The following CCDC86 variants were observed in gnomAD, a reference collection of about 807,000 sequenced individuals.
The protein encoded by CCDC86 is coiled-coil domain-containing protein 86.
Under a neutral mutation model 36.7 loss-of-function variants are expected in CCDC86, and 28 were observed. The ratio of observed to expected loss-of-function variants is 0.76; its 90% confidence interval spans 0.57 to 1.05. CCDC86 has a LOEUF of 1.05. CCDC86 is among the 50% of genes least tolerant of loss of function. The pLI is 0.00. For missense variants in CCDC86, 453 were observed against 470.2 expected (o/e 0.96, Z 0.34); for synonymous variants, 199 against 203.4 (o/e 0.98, Z 0.18).
chr11:60,842,237 A>G lies in CCDC86; in HGVS notation c.113A>G (p.Asn38Ser). The change falls in exon 1 of 4, where the codon AAC becomes AGC. Residue 38 changes from asparagine (N) to serine (S), a missense_variant. Coordinates refer to ENST00000227520, the MANE Select transcript of CCDC86 (RefSeq NM_024098.4). ...CGGGCCCTTGTGGAGTTCGAGTCGAACCCAGAAGAAACGAGGGAGCCCGGG... is the reference window on the plus strand; with the variant it reads ...CGGGCCCTTGTGGAGTTCGAGTCGAGCCCAGAAGAAACGAGGGAGCCCGGG... The part of the protein sequence containing the change: ...TRRALVEFES[N>S]PEETREPGSP... 1.2e-6 allele frequency: 2 copies of G among 1,613,310 alleles called. No individual in the cohort carries two copies. Among genetic ancestry groups the G allele is most frequent in the South Asian group, 2.2e-5 (2 of 91,072 alleles).
intron 1 of CCDC86, among the ~76,000 whole-genome samples, chr11:60,845,927 T>C (rs1855178180): frequency 6.6e-6 from 1 of 152,198 alleles, no homozygotes. Context: ...CTCAGTACCT[T>C]AGCCGCCAGC....
At chr11:60,848,804 A>G (rs1015196923) in intron 2 of CCDC86, among the ~76,000 whole-genome samples, 3 of 152,122 alleles carry the variant, frequency 2.0e-5, no homozygotes, top group African/African-American at 7.2e-5. Flanking sequence ...CTGGCCACTG[A>G]GAAAAGGGGT....
Position 60,849,934 on chromosome 11 carries a change from T to A in CCDC86, c.889-6T>A. 6.2e-7 allele frequency: 1 copy of A among 1,613,240 alleles called. No homozygotes were observed. The highest frequency in any genetic ancestry group is 8.5e-7 in the Non-Finnish European group (1 of 1,179,488). ...GACTCAAATCCCCTTCTCCCACATG[T>A]TCCAGGAGAAGAAACAGCGCCGGGC... On this transcript the variant is annotated splice_region_variant and splice_polypyrimidine_tract_variant and intron_variant, in intron 2 of 3. Coordinates refer to ENST00000227520, the MANE Select transcript of CCDC86 (RefSeq NM_024098.4).
chr11:60,848,148 G>A, intron 2 of CCDC86, 95 bp downstream of exon 2: 1 of 1,453,318 alleles, frequency 6.9e-7, no homozygotes, highest in Non-Finnish European at 9.2e-7. Flanking sequence ...GGTGCCTGGG[G>A]GAGGCCGACT....
At chr11:60,844,807 C>A (rs1444994668) in intron 1 of CCDC86, among the ~76,000 whole-genome samples, 1 of 152,166 alleles carries the variant, frequency 6.6e-6, no homozygotes, top group Non-Finnish European at 1.5e-5. Flanking sequence ...GGGTAGGGCA[C>A]TAAGCTGAAC....
chr11:60,846,269 G>GGAGGCCAGGCCTTCAGTGGC (rs1489455200), intron 1 of CCDC86, among the ~76,000 whole-genome samples: 1 of 152,200 alleles, frequency 6.6e-6, no homozygotes, highest in African/African-American at 2.4e-5. Context: ...TTAGTGCTTA[G>GGAGGCCAGGCCTTCAGTGGC]GAGGCCAGGC....
intron 1 of CCDC86, among the ~76,000 whole-genome samples, chr11:60,843,303 C>A (rs1855147346): frequency 6.6e-6 from 1 of 152,322 alleles, no homozygotes; most frequent in Admixed American, 6.5e-5. Flanking sequence ...TTACTGAGCA[C>A]TGATTATATA....
At chr11:60,849,890 A>G (rs1414537679) in intron 2 of CCDC86, 50 bp from the exon 3 acceptor site, 12 of 1,506,654 alleles carry the variant, frequency 8.0e-6, no homozygotes, top group Non-Finnish European at 1.1e-5. Context: ...CTGAGAGACC[A>G]GGGCTGCCTC....
rs571902499 is a variant in CCDC86, at chr11:60,849,378, A to C, written c.889-562A>C. 1.8e-4 allele frequency among the ~76,000 whole-genome samples: 28 copies of C among 152,330 alleles called. 1 individual carries two copies. The South Asian group carries it at 5.6e-3, about 30-fold the overall frequency. On this transcript the variant is annotated intron_variant, in intron 2 of 3. Coordinates refer to ENST00000227520, the MANE Select transcript of CCDC86 (RefSeq NM_024098.4). The stretch of plus-strand genomic sequence containing the variant: ...AGAAGCTGAGGCACAGACTTAGCTA[A>C]GGTCTCCTGTTTAGGAAATAACAGG...
At chr11:60,844,377 C>T (rs990768412) in intron 1 of CCDC86, among the ~76,000 whole-genome samples, 3 of 152,222 alleles carry the variant, frequency 2.0e-5, no homozygotes, top group Non-Finnish European at 4.4e-5. Flanking sequence ...ACTCCAGACT[C>T]CTTAATGAGG....
chr11:60,842,497 C>T lies in CCDC86; in HGVS notation c.373C>T (p.Pro125Ser), dbSNP rs1855132088. Residue 125 changes from proline (P) to serine (S), a missense_variant, in exon 1 of 4, where the codon CCA becomes TCA. Transcript: ENST00000227520. ...TCAGCCGAAGCCAAGTGAGGAGGCA[C>T]CAAAGTGTTCTCAGGACCAGGGAGT... Reference protein sequence around the residue: ...RCQPKPSEEAPKCSQDQGVLA... With the variant: ...RCQPKPSEEASKCSQDQGVLA... 28 of 1,613,734 alleles carry T rather than the reference C, an allele frequency of 1.7e-5. No individual in the cohort carries two copies. Among genetic ancestry groups the T allele is most frequent in the Non-Finnish European group, 2.1e-5 (25 of 1,179,860 alleles).
intron 3 of CCDC86, 59 bp from the exon 4 acceptor site, chr11:60,850,147 C>G: frequency 6.2e-7 from 1 of 1,610,814 alleles, no homozygotes; most frequent in East Asian, 2.2e-5. Context: ...TTCCTCTCCC[C>G]TGGGAATTTG....
chr11:60,849,851 A>G, intron 2 of CCDC86, 89 bp from the exon 3 acceptor site: 1 of 1,116,932 alleles, frequency 9.0e-7, no homozygotes, highest in Non-Finnish European at 1.3e-6. Context: ...TCCTCCTGGG[A>G]ATTCTGCCCG....
At chr11:60,847,652 C>T (rs774308211) in intron 1 of CCDC86, 15 of 225,594 alleles carry the variant, frequency 6.6e-5, no homozygotes, top group Non-Finnish European at 1.2e-4. Flanking sequence ...TTAACCTCTC[C>T]GCGCCTTGGC....
chr11:60,850,335 G>A lies in CCDC86; in HGVS notation c.*10G>A, dbSNP rs372627966. 90 of 1,612,166 alleles carry A rather than the reference G, an allele frequency of 5.6e-5. No homozygotes were observed. The highest frequency in any genetic ancestry group is 5.9e-5 in the Non-Finnish European group (70 of 1,178,592). On this transcript the variant is annotated 3_prime_UTR_variant, in exon 4 of 4. Transcript: ENST00000227520. ...GGCAGCCAAGATCTGAGCTCAGGAC[G>A]GCCCGAGGCCTTCCATGGCCAACAA...
intron 1 of CCDC86, among the ~76,000 whole-genome samples, chr11:60,845,503 G>A (rs1590572335): frequency 1.3e-5 from 2 of 152,366 alleles, no homozygotes; most frequent in East Asian, 1.9e-4. Context: ...CTGAATGGAT[G>A]TTTGGGATCT....
intron 1 of CCDC86, among the ~76,000 whole-genome samples, chr11:60,843,777 G>A (rs1182826264): frequency 6.6e-6 from 1 of 152,206 alleles, no homozygotes; most frequent in Non-Finnish European, 1.5e-5. Context: ...GTATGCCTGT[G>A]AGGGACCATG....
In CCDC86 at chr11:60,842,870, G is replaced by A. The variant is rs780403526; in HGVS notation, c.746G>A (p.Arg249His). 2.5e-5 allele frequency: 39 copies of A among 1,564,424 alleles called. No homozygotes were observed. In the South Asian group the frequency reaches 3.1e-4, roughly 12 times the overall value. Residue 249 changes from arginine to histidine, a missense_variant, in exon 1 of 4, where the codon CGC becomes CAC. By Grantham distance (29) the Arg-to-His change is conservative (BLOSUM62 0). Transcript: ENST00000227520. ...AAATCGGGGCGAGTGTGGAAGGACC[G>A]CTCCAAGAAAAGGTGAAGTGGGGGA... ...KPKSGRVWKD[R>H]SKKRFSQMLQ...
rs530963 is a variant in CCDC86 at position 60,850,361 on chromosome 11, C to T, written c.*36C>T. ...GCCCGAGGCCTTCCATGGCCAACAACCATGTCAGACACAGCACCTCAGGCC... is the reference window on the plus strand; with the variant it reads ...GCCCGAGGCCTTCCATGGCCAACAATCATGTCAGACACAGCACCTCAGGCC... On this transcript the variant is annotated 3_prime_UTR_variant, in exon 4 of 4. Transcript: ENST00000227520. The T allele has an allele frequency of 3.1e-6, 5 of 1,606,744 alleles. No individual in the cohort carries two copies. The highest frequency in any genetic ancestry group is 1.7e-4 in the Middle Eastern group (1 of 5,950).
Sources: gnomAD v4.1 joint callset for allele counts (sites outside exome capture counted in the v4.1 genomes callset) on GRCh38, gnomAD v4.1.1 for gene constraint, MANE v1.5 for transcripts, NCBI Gene and HGNC (gene_info 2026-07-23, HGNC 2026-07-21) for gene names.